The following ABCD2 variants were observed in gnomAD, a reference collection of about 807,000 sequenced individuals.
ABCD2 encodes the protein ATP binding cassette subfamily D member 2.
A neutral mutation model predicts 70.9 loss-of-function variants in ABCD2; 36 were observed. The observed-to-expected ratio is 0.51, with a 90% CI of 0.39 to 0.67. ABCD2 has a LOEUF of 0.67. Ranked by LOEUF, ABCD2 falls within the 30% of genes least tolerant of loss-of-function variation. The probability of loss-of-function intolerance (pLI) is 0.00; values close to 1 mark genes in which losing one functional copy is unlikely to be tolerated. For synonymous variants in ABCD2, 304 were observed against 306.9 expected, an observed-to-expected ratio of 0.99 and a Z score of 0.10; for missense variants, 729 against 890.2, an observed-to-expected ratio of 0.82 and a Z score of 2.30.
At chr12:39,544,191 G>A in the ABCD2 span, among the ~76,000 whole-genome samples, 2 of 152,142 alleles carry the variant, frequency 1.3e-5, no homozygotes, top group Non-Finnish European at 1.5e-5. Context: ...AAATCATAGA[G>A]TCGAAGCTAT....
intron 9 of ABCD2, among the ~76,000 whole-genome samples, chr12:39,567,692 C>T (rs957432097): frequency 1.8e-4 from 27 of 152,102 alleles, no homozygotes; most frequent in Non-Finnish European, 3.1e-4. Context: ...TTATTTTGCT[C>T]ATTAGTTGAT....
intron 9 of ABCD2, among the ~76,000 whole-genome samples, chr12:39,555,461 G>C (rs1196198752): frequency 6.6e-6 from 1 of 152,224 alleles, no homozygotes; most frequent in East Asian, 1.9e-4. Context: ...AGGAAACCAG[G>C]CAAGAGTTCA....
intron 2 of ABCD2, among the ~76,000 whole-genome samples, chr12:39,611,831 T>G (rs1942048724): frequency 6.6e-6 from 1 of 151,952 alleles, no homozygotes; most frequent in African/African-American, 2.4e-5. Context: ...GTGTGTGGTG[T>G]GCATGTATAT....
At chr12:39,614,582 A>C (rs965126510) in intron 2 of ABCD2, among the ~76,000 whole-genome samples, 1 of 151,664 alleles carries the variant, frequency 6.6e-6, no homozygotes, top group African/African-American at 2.4e-5. Context: ...TATATAAAGC[A>C]TCATGCACTT....
intron 9 of ABCD2, 115 bp from the exon 10 acceptor site, chr12:39,554,246 A>T: frequency 2.0e-6 from 2 of 994,158 alleles, no homozygotes; most frequent in Non-Finnish European, 2.9e-6. Context: ...GTGCTATTTT[A>T]CATTTGAGTT....
At chr12:39,562,192 A>G (rs1016400301) in intron 9 of ABCD2, among the ~76,000 whole-genome samples, 1 of 152,144 alleles carries the variant, frequency 6.6e-6, no homozygotes, top group Non-Finnish European at 1.5e-5. Context: ...AGCAAAAGCA[A>G]TTTAAACAGG....
chr12:39,617,643 A>G (rs1043137734), intron 1 of ABCD2, among the ~76,000 whole-genome samples: 1 of 152,208 alleles, frequency 6.6e-6, no homozygotes, highest in Non-Finnish European at 1.5e-5. Context: ...TCACAAATCA[A>G]TATGATATAA....
At chr12:39,600,428 TG>T in intron 6 of ABCD2, 142 bp downstream of exon 6, 1 of 770,928 alleles carries the variant, frequency 1.3e-6, no homozygotes, top group South Asian at 2.6e-5. Context: ...TAAAATATTT[TG>T]GGCTAAGTGA....
Position 39,605,052 on chromosome 12 carries a change from TATATA to T in ABCD2, c.1237-127_1237-123del, listed in dbSNP as rs563725453. 134 of 671,138 alleles carry T rather than the reference TATATA, an allele frequency of 2.0e-4. 1 individual carries two copies. In the South Asian group the frequency reaches 4.1e-3, roughly 20 times the overall value. 41.6% of individuals were successfully genotyped at this position (671,138 alleles called of 1,614,324 possible). Reference sequence around the variant, plus strand: ...AGATTATATTGCATTATACATGAGATATATATAATACATCTGAAAACTAAAACACA... The same window carrying T: ...AGATTATATTGCATTATACATGAGATTAATACATCTGAAAACTAAAACACA... On this transcript the variant is annotated intron_variant, in intron 3 of 9. Transcript: ENST00000308666.
chr12:39,533,079 C>T, the ABCD2 span, among the ~76,000 whole-genome samples: 6 of 151,776 alleles, frequency 4.0e-5, no homozygotes, highest in Admixed American at 1.3e-4. Flanking sequence ...GCAGGAGAAT[C>T]GCTTGAACCT....
intron 2 of ABCD2, among the ~76,000 whole-genome samples, chr12:39,614,482 A>G (rs1942088404): frequency 6.6e-6 from 1 of 151,882 alleles, no homozygotes; most frequent in African/African-American, 2.4e-5. Flanking sequence ...TCTTCATTTT[A>G]TCCTCTTTTT....
chr12:39,568,202 A>G (rs1370009818), intron 9 of ABCD2, among the ~76,000 whole-genome samples: 1 of 152,146 alleles, frequency 6.6e-6, no homozygotes, highest in Non-Finnish European at 1.5e-5. Flanking sequence ...GTTCTCCTGG[A>G]TAATATCCTG....
chr12:39,532,474 G>T, the ABCD2 span, among the ~76,000 whole-genome samples: 777 of 152,210 alleles, frequency 5.1e-3, 2 homozygotes, highest in Non-Finnish European at 9.5e-3. Context: ...ATTACCTACT[G>T]GGGACAAAGG....
At chr12:39,559,743 A>G (rs1379657605) in intron 9 of ABCD2, among the ~76,000 whole-genome samples, 2 of 152,210 alleles carry the variant, frequency 1.3e-5, no homozygotes, top group African/African-American at 4.8e-5. Flanking sequence ...GCTGAAGGGA[A>G]AAAACCTTTC....
At chr12:39,586,436 G>A (rs1184272496) in intron 6 of ABCD2, 139 bp from the exon 7 acceptor site, 13 of 777,804 alleles carry the variant, frequency 1.7e-5, no homozygotes, top group Admixed American at 3.1e-5. Flanking sequence ...CTGGCGATGA[G>A]TACTTCTCCC....
chr12:39,544,697 A>G, the ABCD2 span, among the ~76,000 whole-genome samples: 1 of 151,978 alleles, frequency 6.6e-6, no homozygotes, highest in Non-Finnish European at 1.5e-5. Flanking sequence ...GAAGATAGGA[A>G]AAGGCTGTGG....
the ABCD2 span, among the ~76,000 whole-genome samples, chr12:39,540,797 C>T: frequency 2.6e-5 from 4 of 152,220 alleles, no homozygotes; most frequent in African/African-American, 9.6e-5. Context: ...TCCCTTCCCC[C>T]ACCAGCTTGA....
At chr12:39,581,607 T>A (rs1376178534) in intron 7 of ABCD2, among the ~76,000 whole-genome samples, 1 of 152,230 alleles carries the variant, frequency 6.6e-6, no homozygotes, top group Non-Finnish European at 1.5e-5. Context: ...AAGTGATGAT[T>A]TGAGAAATAG....
intron 6 of ABCD2, among the ~76,000 whole-genome samples, chr12:39,596,075 C>T (rs1215619989): frequency 8.6e-5 from 13 of 152,012 alleles, no homozygotes; most frequent in Admixed American, 8.5e-4. Context: ...TTCTCAGCAT[C>T]GTGTGTTAGA....
Sources: allele counts gnomAD v4.1 joint callset (sites outside exome capture counted in the v4.1 genomes callset), GRCh38; gene constraint gnomAD v4.1.1; transcripts MANE v1.5; gene names NCBI Gene and HGNC (gene_info 2026-07-23, HGNC 2026-07-21).